Variants in PAK1 observed in about 807,000 individuals in gnomAD.
The protein encoded by PAK1 is serine/threonine-protein kinase PAK 1.
In PAK1, 29 loss-of-function variants were observed where a neutral mutation model predicts 67.4. The observed-to-expected ratio is 0.43, with a 90% confidence interval of 0.32 to 0.59. PAK1 has a LOEUF of 0.59. PAK1 is among the 20% of genes least tolerant of loss of function. The probability of loss-of-function intolerance (pLI) is 0.07; values close to 1 mark genes in which losing one functional copy is unlikely to be tolerated. For missense variants in PAK1, 337 were observed against 670.7 expected (o/e 0.50, Z 5.50); for synonymous variants, 223 against 237.4 (o/e 0.94, Z 0.56).
At chr11:77,327,124 T>C (rs1367179915) in intron 14 of PAK1, among the ~76,000 whole-genome samples, 1 of 152,120 alleles carries the variant, frequency 6.6e-6, no homozygotes, top group Non-Finnish European at 1.5e-5. Context: ...CCAAGAAATA[T>C]GGGACTATGT....
chr11:77,405,229 G>C (rs1422407401), intron 1 of PAK1, among the ~76,000 whole-genome samples: 1 of 152,198 alleles, frequency 6.6e-6, no homozygotes, highest in African/African-American at 2.4e-5. Flanking sequence ...TAAGCGACTG[G>C]GATCAGAGAT....
chr11:77,507,423 G>A, the PAK1 span, among the ~76,000 whole-genome samples: 51,039 of 152,058 alleles, frequency 0.34, 8,925 homozygotes, highest in Non-Finnish European at 0.38. Flanking sequence ...CACATTAAGA[G>A]CAACATGCAT....
rs1015252104 is a variant in PAK1 at position 77,454,874 on chromosome 11, C to T, written c.-22+18678G>A. 2.0e-5 allele frequency among the ~76,000 whole-genome samples: 3 copies of T among 152,132 alleles called. No individual in the cohort carries two copies. The East Asian group carries it at 5.8e-4, about 29-fold the overall frequency. ...TTACTCAATCAGTACCTGGCATGTC[C>T]CTAGAAATTCTTGTAGTTCAGGGAT... On this transcript the variant is annotated intron_variant, in intron 1 of 14. Coordinates refer to ENST00000356341, the MANE Select transcript of PAK1 (RefSeq NM_002576.5).
intron 9 of PAK1, 57 bp downstream of exon 9, chr11:77,349,182 A>G: frequency 7.6e-7 from 1 of 1,314,526 alleles, no homozygotes; most frequent in Non-Finnish European, 1.1e-6. Context: ...GCTAAAAATT[A>G]ATCCCAAATA....
intron 4 of PAK1, among the ~76,000 whole-genome samples, chr11:77,377,803 T>G (rs905296329): frequency 6.6e-6 from 1 of 152,156 alleles, no homozygotes; most frequent in Non-Finnish European, 1.5e-5. Flanking sequence ...CCATGACAAG[T>G]TCCTTAAACA....
chr11:77,379,032 A>T (rs571029764), intron 4 of PAK1, among the ~76,000 whole-genome samples: 6 of 152,242 alleles, frequency 3.9e-5, no homozygotes, highest in African/African-American at 1.2e-4. Flanking sequence ...TGCTATTTTT[A>T]AAAAAACGTG....
Position 77,323,262 on chromosome 11 carries a change from G to C in PAK1, c.*12C>G. 1.9e-6 allele frequency: 3 copies of C among 1,613,680 alleles called. No homozygotes were observed. The highest frequency in any genetic ancestry group is 2.5e-6 in the Non-Finnish European group (3 of 1,179,602). On this transcript the variant is annotated 3_prime_UTR_variant, in exon 15 of 15. Coordinates refer to ENST00000356341, the MANE Select transcript of PAK1 (RefSeq NM_002576.5). ...GAAGGCTTGGCACAATGAGGCTGGGGTGAGTGTGGTTTTAGTGATTGTTCT... is the reference window on the plus strand; with the variant it reads ...GAAGGCTTGGCACAATGAGGCTGGGCTGAGTGTGGTTTTAGTGATTGTTCT...
intron 1 of PAK1, among the ~76,000 whole-genome samples, chr11:77,416,979 T>C (rs534718913): frequency 6.6e-6 from 1 of 152,048 alleles, no homozygotes; most frequent in East Asian, 1.9e-4. Flanking sequence ...ACATATGTGT[T>C]CTATACTTTT....
intron 1 of PAK1, among the ~76,000 whole-genome samples, chr11:77,419,047 A>T (rs2853088): frequency 6.6e-6 from 1 of 152,052 alleles, no homozygotes; most frequent in Non-Finnish European, 1.5e-5. Flanking sequence ...TTTGGTTACC[A>T]AAAGTTAACT....
chr11:77,437,844 G>A (rs1041940959), intron 1 of PAK1, among the ~76,000 whole-genome samples: 1 of 152,068 alleles, frequency 6.6e-6, no homozygotes, highest in African/African-American at 2.4e-5. Context: ...AAATGTTTTC[G>A]ATATCTCCAA....
chr11:77,344,321 A>C lies in PAK1; in HGVS notation c.886-390T>G, dbSNP rs184788969. Among the ~76,000 whole-genome samples the C allele has an allele frequency of 6.6e-4, 100 of 152,382 alleles. 1 individual carries two copies. The highest frequency in any genetic ancestry group is 6.8e-3 in the Middle Eastern group (2 of 294). On this transcript the variant is annotated intron_variant, in intron 9 of 14. Coordinates refer to ENST00000356341, the MANE Select transcript of PAK1 (RefSeq NM_002576.5). The stretch of plus-strand genomic sequence containing the variant: ...CAGAGGCTCATACAAAATGCTAGCG[A>C]AACATAAAATACGGCAAAAGCCAAG...
chr11:77,432,446 A>G (rs1009521953), intron 1 of PAK1, among the ~76,000 whole-genome samples: 6 of 144,098 alleles, frequency 4.2e-5, no homozygotes, highest in Admixed American at 1.4e-4. Context: ...AATTAGGTGG[A>G]AAAAAAAAAG....
chr11:77,476,246 C>T (rs1958060399), upstream of PAK1: 1 of 152,230 alleles, frequency 6.6e-6, no homozygotes, highest in South Asian at 2.1e-4. Flanking sequence ...TTTACAAACA[C>T]TGTCTTTAAA....
chr11:77,345,115 A>G (rs922480821), intron 9 of PAK1, among the ~76,000 whole-genome samples: 2 of 152,164 alleles, frequency 1.3e-5, no homozygotes, highest in African/African-American at 4.8e-5. Context: ...ATAAGATCAT[A>G]TTTATCCCTC....
upstream of PAK1, chr11:77,476,135 A>G (rs1958059475): frequency 6.6e-6 from 1 of 152,384 alleles, no homozygotes; most frequent in Non-Finnish European, 1.5e-5. Context: ...GCACCACCAC[A>G]CTCCAGCCTG....
chr11:77,500,528 G>A, the PAK1 span, among the ~76,000 whole-genome samples: 2 of 152,054 alleles, frequency 1.3e-5, no homozygotes, highest in Non-Finnish European at 2.9e-5. Context: ...TCCACGTCTT[G>A]TGGAAATCCA....
At chr11:77,410,775 T>G (rs1592360794) in intron 1 of PAK1, among the ~76,000 whole-genome samples, 1 of 151,212 alleles carries the variant, frequency 6.6e-6, no homozygotes. Context: ...ATGAAAAAAC[T>G]AGGGGGAGGA....
At chr11:77,468,455 A>G (rs1003490364) in intron 1 of PAK1, among the ~76,000 whole-genome samples, 1 of 152,226 alleles carries the variant, frequency 6.6e-6, no homozygotes, top group Non-Finnish European at 1.5e-5. Context: ...GATATTCATG[A>G]AAGAAAAGGC....
chr11:77,370,632 C>G (rs773362823), intron 5 of PAK1, among the ~76,000 whole-genome samples: 4 of 152,178 alleles, frequency 2.6e-5, no homozygotes, highest in Non-Finnish European at 5.9e-5. Flanking sequence ...ATCAATCTGA[C>G]CTTTTCTGCT....
Sources: allele counts gnomAD v4.1 joint callset (sites outside exome capture counted in the v4.1 genomes callset), GRCh38; gene constraint gnomAD v4.1.1; transcripts MANE v1.5; gene names NCBI Gene and HGNC (gene_info 2026-07-23, HGNC 2026-07-21).